NDUFB7: variants seen among roughly 807,000 people sequenced by gnomAD.
NDUFB7 encodes NADH:ubiquinone oxidoreductase subunit B7.
In NDUFB7, 18 loss-of-function variants were observed where a neutral mutation model predicts 14.7. That is an observed-to-expected ratio of 1.22 (90% CI 0.85 to 1.81). The LOEUF (loss-of-function observed/expected upper bound fraction) is 1.81, where lower values mean the gene tolerates loss of function less well. NDUFB7 is among the 40% of genes most tolerant of loss of function. The pLI, the probability that NDUFB7 is intolerant of heterozygous loss-of-function variation, is 0.00. For synonymous variants in NDUFB7, 86 were observed against 76.1 expected, an observed-to-expected ratio of 1.13 and a Z score of -0.68; for missense variants, 219 against 195.0, an observed-to-expected ratio of 1.12 and a Z score of -0.73.
rs1425282413 is a variant in NDUFB7, at chr19:14,572,066, C to A, written c.-66G>T. The A allele has an allele frequency of 3.2e-6, 4 of 1,237,120 alleles. No individual in the cohort carries two copies. In the Admixed American group the frequency reaches 9.3e-5, roughly 29 times the overall value. 76.6% of individuals were successfully genotyped at this position (1,237,120 alleles called of 1,614,324 possible). On this transcript the variant is annotated 5_prime_UTR_variant, in exon 1 of 3. Coordinates refer to ENST00000215565, the MANE Select transcript of NDUFB7 (RefSeq NM_004146.6). ...CCTAGCTCCTACCCGGAACCACTGA[C>A]CCCTCAGTCAGACACAGCTTCCGGG...
At position 14,566,925 on chromosome 19, in the gene NDUFB7, C is replaced by G. The variant is rs1217420091; in HGVS notation, c.121G>C (p.Ala41Pro). Residue 41 changes from alanine (A) to proline (P), a missense_variant, in exon 2 of 3, where the codon GCC (alanine) becomes CCC (proline). Transcript: ENST00000215565. ...GCGTCCATCATCTCCTGCTGTGTGG[C>G]CACCATCTCTGCAGGGAGTGGGCGG... ...FPERKEREMV[A>P]TQQEMMDAQL... 6.3e-7 allele frequency: 1 copy of G among 1,582,694 alleles called. No individual in the cohort carries two copies. The highest frequency in any genetic ancestry group is 1.1e-5 in the South Asian group (1 of 87,642).
At chr19:14,571,226 C>G (rs2074123281) in intron 1 of NDUFB7, among the ~76,000 whole-genome samples, 1 of 152,166 alleles carries the variant, frequency 6.6e-6, no homozygotes, top group East Asian at 1.9e-4. Flanking sequence ...TGTGCATACC[C>G]CACAATTGCA....
In NDUFB7 at chr19:14,566,899, C is replaced by A; in HGVS notation, c.147G>T (p.Ala49=). 18 of 1,584,412 alleles carry A rather than the reference C, an allele frequency of 1.1e-5. No individual in the cohort carries two copies. Among genetic ancestry groups the A allele is most frequent in the Non-Finnish European group, 1.5e-5 (17 of 1,169,040 alleles). The part of the protein sequence containing the change: ...MVATQQEMMD[A]QLRLQLRDYC... The stretch of plus-strand genomic sequence containing the variant: ...AGTCCCGCAGCTGGAGCCTCAGCTG[C>A]GCGTCCATCATCTCCTGCTGTGTGG... The change falls in exon 2 of 3, where the codon GCG becomes GCT. Residue 49 remains alanine, a synonymous_variant. Coordinates refer to ENST00000215565, the MANE Select transcript of NDUFB7 (RefSeq NM_004146.6).
In NDUFB7 at chr19:14,572,030, G is replaced by C; in HGVS notation, c.-30C>G. 6.5e-7 allele frequency: 1 copy of C among 1,530,322 alleles called. No homozygotes were observed. Among genetic ancestry groups the C allele is most frequent in the East Asian group, 2.4e-5 (1 of 42,198 alleles). 94.8% of individuals were successfully genotyped at this position (1,530,322 alleles called of 1,614,324 possible). On this transcript the variant is annotated 5_prime_UTR_variant, in exon 1 of 3. Coordinates refer to ENST00000215565, the MANE Select transcript of NDUFB7 (RefSeq NM_004146.6). The stretch of plus-strand genomic sequence containing the variant: ...GCAGTCGCTGCAGATCCCTGCAGCA[G>C]CCGAGGGTCACCTAGCTCCTACCCG...
rs1482949239 is a variant in NDUFB7 at position 14,567,820 on chromosome 19, TTC to T, written c.113-889_113-888del. ...TCTCCCCTTTGCTTCCCAGCTGCGA[TTC>T]TCTCATCCCACTGAGGCCCAGGTCC... On this transcript the variant is annotated intron_variant, in intron 1 of 2. Transcript: ENST00000215565. The surrounding 1 kb of genome is among the most constrained non-coding windows in gnomAD (Gnocchi z 5.1). Among the ~76,000 whole-genome samples, 1 of 152,126 alleles carries T rather than the reference TTC, an allele frequency of 6.6e-6. No homozygotes were observed. Among genetic ancestry groups the T allele is most frequent in the Non-Finnish European group, 1.5e-5 (1 of 68,022 alleles).
intron 1 of NDUFB7, among the ~76,000 whole-genome samples, chr19:14,571,534 CTGCCAG>C (rs1221744316): frequency 6.6e-6 from 1 of 151,870 alleles, no homozygotes; most frequent in Non-Finnish European, 1.5e-5. Context: ...GAGGTGGAGG[CTGCCAG>C]TGAATCGAGA....
chr19:14,568,973 G>A (rs1024766218), intron 1 of NDUFB7, among the ~76,000 whole-genome samples: 29 of 152,142 alleles, frequency 1.9e-4, no homozygotes, highest in Non-Finnish European at 3.2e-4. Context: ...TCAGAAGTTC[G>A]AGATCAGCCT....
At chr19:14,566,544 G>A (rs1349348476) in intron 2 of NDUFB7, among the ~76,000 whole-genome samples, 12 of 151,180 alleles carry the variant, frequency 7.9e-5, no homozygotes, top group African/African-American at 1.5e-4. Flanking sequence ...GGTGGGGCCC[G>A]GCTAGAAACC....
At chr19:14,571,417 G>A (rs2074124327) in intron 1 of NDUFB7, among the ~76,000 whole-genome samples, 1 of 151,994 alleles carries the variant, frequency 6.6e-6, no homozygotes, top group Non-Finnish European at 1.5e-5. Flanking sequence ...CCAACAAGGA[G>A]AAACCCCGTC....
chr19:14,569,696 G>A (rs1314365867), intron 1 of NDUFB7, among the ~76,000 whole-genome samples: 1 of 152,160 alleles, frequency 6.6e-6, no homozygotes, highest in East Asian at 1.9e-4. Flanking sequence ...GTGGACACTG[G>A]AGTGATTATA....
chr19:14,570,427 CCT>C (rs1405518956), intron 1 of NDUFB7, among the ~76,000 whole-genome samples: 1 of 151,756 alleles, frequency 6.6e-6, no homozygotes, highest in Non-Finnish European at 1.5e-5. Context: ...GTCTCAATCC[CCT>C]GACCTCGTGA....
intron 2 of NDUFB7, 72 bp from the exon 3 acceptor site, chr19:14,566,337 A>G: frequency 6.2e-7 from 1 of 1,604,276 alleles, no homozygotes; most frequent in Non-Finnish European, 8.5e-7. Flanking sequence ...TGGGAAGCGG[A>G]GGGGCCGTCC....
chr19:14,571,029 G>A (rs1203019862), intron 1 of NDUFB7, among the ~76,000 whole-genome samples: 2 of 151,874 alleles, frequency 1.3e-5, no homozygotes, highest in Non-Finnish European at 1.5e-5. Flanking sequence ...ATCCTGGGGC[G>A]CTCCTGTAGT....
chr19:14,570,775 AT>A (rs1788050325), intron 1 of NDUFB7, among the ~76,000 whole-genome samples: 1 of 152,140 alleles, frequency 6.6e-6, no homozygotes, highest in Non-Finnish European at 1.5e-5. Context: ...TCCCTGCTGT[AT>A]CCGCGGTGCC....
intron 1 of NDUFB7, among the ~76,000 whole-genome samples, chr19:14,571,200 A>T (rs1370152971): frequency 2.6e-5 from 4 of 152,138 alleles, no homozygotes; most frequent in Admixed American, 2.6e-4. Flanking sequence ...TGCAGCTCGA[A>T]TCTTCCTTAT....
chr19:14,570,311 T>C (rs946620024), intron 1 of NDUFB7, among the ~76,000 whole-genome samples: 12 of 152,140 alleles, frequency 7.9e-5, no homozygotes, highest in African/African-American at 2.7e-4. Context: ...GCGATTCTCC[T>C]GCCTCAGCCT....
At chr19:14,568,493 T>A (rs1330923187) in intron 1 of NDUFB7, among the ~76,000 whole-genome samples, 1 of 152,180 alleles carries the variant, frequency 6.6e-6, no homozygotes, top group African/African-American at 2.4e-5. Flanking sequence ...GTGGCAATCC[T>A]AGACTCCTCC....
rs201675767 is a variant in NDUFB7 at position 14,571,913 on chromosome 19, C to A, written c.88G>T (p.Gly30Cys). 3.1e-4 allele frequency: 492 copies of A among 1,611,674 alleles called. No individual in the cohort carries two copies. In the East Asian group the frequency reaches 0.011, roughly 36 times the overall value. The change falls in exon 1 of 3, where the codon GGC becomes TGC. Residue 30 changes from glycine to cysteine, a missense_variant. Transcript: ENST00000215565. ...LQMPTFPPDY[G>C]FPERKEREMV... ...CCGCGCTCCTTGCGTTCGGGGAAGC[C>A]GTAGTCTGGCGGGAAGGTTGGCATC...
At position 14,566,202 on chromosome 19, in the gene NDUFB7, C is replaced by T. The variant is rs1166287467; in HGVS notation, c.345G>A (p.Arg115=). The T allele has an allele frequency of 2.5e-6, 4 of 1,614,080 alleles. No homozygotes were observed. Among genetic ancestry groups the T allele is most frequent in the Admixed American group, 1.7e-5 (1 of 60,012 alleles). The part of the protein sequence containing the change: ...ERRLLQRKKR[R]EKKAAELAKG... ...TGGCCAACTCTGCCGCCTTCTTCTC[C>T]CGCCGCTTCTTCCGCTGGAGCAGCC... The change falls in exon 3 of 3, where the codon CGG becomes CGA. Residue 115 remains arginine (R), a synonymous_variant. Coordinates refer to ENST00000215565, the MANE Select transcript of NDUFB7 (RefSeq NM_004146.6).
Sources: gnomAD v4.1 joint callset for allele counts (sites outside exome capture counted in the v4.1 genomes callset) on GRCh38, gnomAD v4.1.1 for gene constraint, Gnocchi (gnomAD v3.1) non-coding constraint, MANE v1.5 for transcripts, NCBI Gene and HGNC (gene_info 2026-07-23, HGNC 2026-07-21) for gene names.